The following ZNF385D variants were observed in gnomAD, a reference collection of about 807,000 sequenced individuals.
The protein encoded by ZNF385D is zinc finger protein 659.
A neutral mutation model predicts 35.8 loss-of-function variants in ZNF385D; 15 were observed. That is an observed-to-expected ratio of 0.42 (90% confidence interval 0.28 to 0.64). The LOEUF is 0.64. Ranked by LOEUF, ZNF385D falls within the 30% of genes least tolerant of loss-of-function variation. ZNF385D has a pLI of 0.23. For missense variants in ZNF385D, 474 were observed against 494.6 expected (o/e 0.96, Z 0.39); for synonymous variants, 212 against 186.8 (o/e 1.13, Z -1.10).
chr3:21,899,341 G>T (rs946807608), intron 3 of ZNF385D, among the ~76,000 whole-genome samples: 1 of 152,072 alleles, frequency 6.6e-6, no homozygotes, highest in Non-Finnish European at 1.5e-5. Context: ...TTCCTTTCAC[G>T]AGGAAGCAAT....
At chr3:22,098,166 T>C (rs532523841) in intron 3 of ZNF385D, among the ~76,000 whole-genome samples, 21 of 152,188 alleles carry the variant, frequency 1.4e-4, no homozygotes, top group African/African-American at 1.9e-4. Flanking sequence ...GAGTTCAAGA[T>C]AGATTTAATC....
intron 3 of ZNF385D, among the ~76,000 whole-genome samples, chr3:21,851,840 C>T (rs1696405514): frequency 6.6e-6 from 1 of 151,934 alleles, no homozygotes; most frequent in East Asian, 1.9e-4. Context: ...ATATAGACAA[C>T]ATTCTATTTT....
At chr3:21,907,557 G>A (rs1202040803) in intron 3 of ZNF385D, among the ~76,000 whole-genome samples, 1 of 151,972 alleles carries the variant, frequency 6.6e-6, no homozygotes, top group Non-Finnish European at 1.5e-5. Flanking sequence ...GCACTGCTAT[G>A]GACATTTTGA....
At chr3:22,262,957 A>G (rs1457255275) in intron 2 of ZNF385D, among the ~76,000 whole-genome samples, 1 of 151,848 alleles carries the variant, frequency 6.6e-6, no homozygotes, top group Non-Finnish European at 1.5e-5. Flanking sequence ...TCTTCTACTG[A>G]TATCCAACGT....
At chr3:21,981,279 A>C (rs1167215694) in intron 3 of ZNF385D, among the ~76,000 whole-genome samples, 3 of 152,212 alleles carry the variant, frequency 2.0e-5, no homozygotes, top group Non-Finnish European at 4.4e-5. Flanking sequence ...ATAAGATGGT[A>C]ACTCATTGTG....
intron 1 of ZNF385D, among the ~76,000 whole-genome samples, chr3:21,723,797 G>A (rs191229392): frequency 6.6e-6 from 1 of 152,154 alleles, no homozygotes; most frequent in African/African-American, 2.4e-5. Context: ...GGAATACAGA[G>A]AACACCACGA....
rs560614066 is a variant in ZNF385D, at chr3:21,463,991, C to T, written c.440-26788G>A. 8.6e-5 allele frequency among the ~76,000 whole-genome samples: 13 copies of T among 151,834 alleles called. No homozygotes were observed. In the South Asian group the frequency reaches 2.7e-3, roughly 32 times the overall value. On this transcript the variant is annotated intron_variant, in intron 4 of 7. Transcript: ENST00000281523. ...ACACATATACATGAAACACATGAAACAAAGCAATTAATGAAGTTCACTCAG... is the reference window on the plus strand; with the variant it reads ...ACACATATACATGAAACACATGAAATAAAGCAATTAATGAAGTTCACTCAG...
rs183720062 is a variant in ZNF385D, at chr3:21,778,706, T to A, written c.326-113678A>T. On this transcript the variant is annotated intron_variant, in intron 3 of 5. Transcript: ENST00000494108. ...ACTATATTTAATTTTATAATTTAAT[T>A]AAAATAATTTAAAAAATCCAAATAG... is the stretch of plus-strand genomic sequence containing the variant. Among the ~76,000 whole-genome samples the A allele has an allele frequency of 5.8e-3, 882 of 152,080 alleles. 6 individuals carry two copies. Among genetic ancestry groups the A allele is most frequent in the Non-Finnish European group, 6.5e-3 (443 of 67,924 alleles).
intron 3 of ZNF385D, among the ~76,000 whole-genome samples, chr3:21,822,196 C>T (rs1694291280): frequency 6.6e-6 from 1 of 152,084 alleles, no homozygotes; most frequent in African/African-American, 2.4e-5. Flanking sequence ...CTCAGCCTCC[C>T]TAGTAGCTGG....
chr3:22,325,380 A>T (rs963374448), intron 2 of ZNF385D, among the ~76,000 whole-genome samples: 13 of 152,216 alleles, frequency 8.5e-5, no homozygotes, highest in African/African-American at 3.1e-4. Flanking sequence ...CATTAGTTGT[A>T]CAGCAATACA....
chr3:22,129,693 C>T (rs1428655246), intron 3 of ZNF385D, among the ~76,000 whole-genome samples: 1 of 152,026 alleles, frequency 6.6e-6, no homozygotes, highest in Non-Finnish European at 1.5e-5. Flanking sequence ...GTGGTGACTT[C>T]TTCCAGGACT....
At chr3:22,362,313 T>C (rs952150088) in intron 2 of ZNF385D, among the ~76,000 whole-genome samples, 2 of 151,972 alleles carry the variant, frequency 1.3e-5, no homozygotes, top group Non-Finnish European at 2.9e-5. Flanking sequence ...AGAATCAACG[T>C]GGAATATATT....
chr3:21,780,689 G>A (rs1345926126), intron 3 of ZNF385D, among the ~76,000 whole-genome samples: 1 of 152,014 alleles, frequency 6.6e-6, no homozygotes, highest in African/African-American at 2.4e-5. Context: ...TTAGACTAAT[G>A]ACATTCTAAT....
chr3:21,905,376 T>C (rs1229671770), intron 3 of ZNF385D, among the ~76,000 whole-genome samples: 1 of 152,074 alleles, frequency 6.6e-6, no homozygotes, highest in African/African-American at 2.4e-5. Flanking sequence ...TTTTCTTTTA[T>C]CACATAAAGG....
rs1283814484 is a variant in ZNF385D at position 21,750,882 on chromosome 3, A to C, written c.22+13T>G. 6.2e-7 allele frequency: 1 copy of C among 1,614,036 alleles called. No individual in the cohort carries two copies. Among genetic ancestry groups the C allele is most frequent in the Non-Finnish European group, 8.5e-7 (1 of 1,180,016 alleles). ...GACACCCCCAGAATTACATCATCAG[A>C]GTGAACACTCACCAAAATACATTAT... On this transcript the variant is annotated intron_variant, in intron 1 of 7. Coordinates refer to ENST00000281523, the MANE Select transcript of ZNF385D (RefSeq NM_024697.3).
At chr3:22,254,762 T>C (rs1194326007) in intron 2 of ZNF385D, among the ~76,000 whole-genome samples, 1 of 151,820 alleles carries the variant, frequency 6.6e-6, no homozygotes, top group African/African-American at 2.4e-5. Flanking sequence ...ATGTTAATAG[T>C]AACCCTTATT....
rs1297177692 is a variant in ZNF385D, at chr3:22,122,679, T to C, written c.325+46138A>G. Among the ~76,000 whole-genome samples the C allele has an allele frequency of 3.3e-5, 5 of 151,870 alleles. No homozygotes were observed. In the East Asian group the frequency reaches 9.7e-4, roughly 29 times the overall value. On this transcript the variant is annotated intron_variant, in intron 3 of 5. Coordinates refer to the ZNF385D transcript ENST00000494108. ...CTATGGAAGAAAGAAGAACAGAGAG[T>C]ATATATATGGGGGAGGTAACAATTT...
At chr3:21,930,483 G>C (rs1016254405) in intron 3 of ZNF385D, among the ~76,000 whole-genome samples, 1 of 152,174 alleles carries the variant, frequency 6.6e-6, no homozygotes. Flanking sequence ...AAAGGAAGCC[G>C]TCAAGAAAGT....
chr3:21,683,314 G>C (rs1410878763), intron 1 of ZNF385D, among the ~76,000 whole-genome samples: 1 of 149,602 alleles, frequency 6.7e-6, no homozygotes, highest in Non-Finnish European at 1.5e-5. Context: ...TTTGTGATTA[G>C]GTTATGCGAC....
Sources: gnomAD v4.1 joint callset for allele counts (sites outside exome capture counted in the v4.1 genomes callset) on GRCh38, gnomAD v4.1.1 for gene constraint, MANE v1.5 for transcripts, NCBI Gene and HGNC (gene_info 2026-07-23, HGNC 2026-07-21) for gene names.